TOP6BL: variants seen among roughly 807,000 people sequenced by gnomAD.
TOP6BL encodes the protein TOP6B like initiator of meiotic double strand breaks, also known as type 2 DNA topoisomerase 6 subunit B-like.
the TOP6BL span, among the ~76,000 whole-genome samples, chr11:66,829,907 A>T: frequency 1.6e-4 from 25 of 152,156 alleles, no homozygotes; most frequent in African/African-American, 5.8e-4. Flanking sequence ...AAATAAATAA[A>T]TAATAAATAA....
chr11:66,748,797 C>A, the TOP6BL span, among the ~76,000 whole-genome samples: 2 of 145,888 alleles, frequency 1.4e-5, no homozygotes, highest in African/African-American at 5.1e-5. Flanking sequence ...TTTTAATCTA[C>A]TTTGTCACAG....
the TOP6BL span, among the ~76,000 whole-genome samples, chr11:66,781,846 A>G: frequency 1.3e-5 from 2 of 152,004 alleles, no homozygotes; most frequent in Non-Finnish European, 2.9e-5. Context: ...TTCTGTTTCT[A>G]TTAGTTGCTT....
At chr11:66,777,095 CTA>C in the TOP6BL span, among the ~76,000 whole-genome samples, 17 of 145,996 alleles carry the variant, frequency 1.2e-4, no homozygotes, top group Non-Finnish European at 2.5e-4. Context: ...ATCTATATAT[CTA>C]TATCTATATA....
At chr11:66,812,185 C>CTTTTTTTTTTTT in the TOP6BL span, among the ~76,000 whole-genome samples, 50,395 of 136,362 alleles carry the variant, frequency 0.37, 10,490 homozygotes, top group African/African-American at 0.56. Flanking sequence ...GAGTTTGCAT[C>CTTTTTTTTTTTT]TTTTTTTTTG....
the TOP6BL span, among the ~76,000 whole-genome samples, chr11:66,751,681 A>G: frequency 6.6e-6 from 1 of 151,830 alleles, no homozygotes; most frequent in South Asian, 2.1e-4. Context: ...GCATTTATTG[A>G]TTTTCCACCA....
the TOP6BL span, chr11:66,828,572 C>CATGT: frequency 2.0e-6 from 1 of 510,120 alleles, no homozygotes; most frequent in Non-Finnish European, 3.5e-6. Flanking sequence ...GTCTTGAAAA[C>CATGT]CGTTGTTTCA....
the TOP6BL span, among the ~76,000 whole-genome samples, chr11:66,773,767 C>T: frequency 6.9e-4 from 105 of 152,204 alleles, no homozygotes; most frequent in East Asian, 3.3e-3. Flanking sequence ...GACAGAGTCT[C>T]GCTCTGTTGC....
chr11:66,793,437 TTTTTTTG>T, the TOP6BL span, among the ~76,000 whole-genome samples: 2 of 144,634 alleles, frequency 1.4e-5, no homozygotes, highest in South Asian at 2.1e-4. Context: ...TAATTTTTTC[TTTTTTTG>T]TTTTTTTTTT....
the TOP6BL span, among the ~76,000 whole-genome samples, chr11:66,830,008 A>G: frequency 2.6e-5 from 4 of 152,258 alleles, no homozygotes; most frequent in Non-Finnish European, 5.9e-5. Flanking sequence ...AATAATTAAT[A>G]GTTATGATAA....
the TOP6BL span, chr11:66,813,732 CAAAAA>C: frequency 1.9e-5 from 12 of 631,840 alleles, no homozygotes; most frequent in South Asian, 1.1e-4. Flanking sequence ...GACTCCATCT[CAAAAA>C]AAAAAAAAAA....
the TOP6BL span, among the ~76,000 whole-genome samples, chr11:66,775,112 CAAAAAAA>C: frequency 5.2e-5 from 3 of 57,990 alleles, no homozygotes; most frequent in South Asian, 8.4e-4. Flanking sequence ...GACTCTGTCT[CAAAAAAA>C]AAAAAAAAAA....
At chr11:66,814,025 C>G in the TOP6BL span, 2 of 1,605,842 alleles carry the variant, frequency 1.2e-6, no homozygotes, top group Non-Finnish European at 1.7e-6. Flanking sequence ...GGTATATCCT[C>G]CCTCTTTCTG....
chr11:66,749,830 T>TGCCTCC, the TOP6BL span, among the ~76,000 whole-genome samples: 1 of 152,132 alleles, frequency 6.6e-6, no homozygotes, highest in Non-Finnish European at 1.5e-5. Flanking sequence ...CACCTGCCTC[T>TGCCTCC]GCCTCCCAAA....
At chr11:66,839,311 T>C in the TOP6BL span, 4 of 412,712 alleles carry the variant, frequency 9.7e-6, no homozygotes, top group African/African-American at 8.2e-5. Context: ...ATGAGGAAAT[T>C]GAGGCCCACA....
the TOP6BL span, chr11:66,762,278 G>T: frequency 2.1e-6 from 1 of 479,324 alleles, no homozygotes; most frequent in South Asian, 2.2e-5. Flanking sequence ...AGCCTGAAGG[G>T]CGGGCGCACA....
the TOP6BL span, chr11:66,762,207 G>T: frequency 1.5e-6 from 1 of 670,478 alleles, no homozygotes; most frequent in South Asian, 1.6e-5. Flanking sequence ...CCCACAGCCG[G>T]AGGTGCAGGG....
At chr11:66,825,732 G>A in the TOP6BL span, among the ~76,000 whole-genome samples, 2 of 152,126 alleles carry the variant, frequency 1.3e-5, no homozygotes, top group South Asian at 4.1e-4. Flanking sequence ...GTGTCAAAGT[G>A]CATAGCATAC....
At chr11:66,789,682 A>G in the TOP6BL span, among the ~76,000 whole-genome samples, 1 of 152,224 alleles carries the variant, frequency 6.6e-6, no homozygotes, top group Non-Finnish European at 1.5e-5. Flanking sequence ...CTGAACAAGC[A>G]GTAAGTTGTA....
chr11:66,805,288 G>T, the TOP6BL span, among the ~76,000 whole-genome samples: 1 of 152,052 alleles, frequency 6.6e-6, no homozygotes, highest in Non-Finnish European at 1.5e-5. Flanking sequence ...CTAAAGTGTG[G>T]TAGGCACGGA....
Sources: allele counts gnomAD v4.1 joint callset (sites outside exome capture counted in the v4.1 genomes callset), GRCh38; gene constraint gnomAD v4.1.1; transcripts MANE v1.5; gene names NCBI Gene and HGNC (gene_info 2026-07-23, HGNC 2026-07-21).